The following NMNAT1 variants were observed in gnomAD, a reference collection of about 807,000 sequenced individuals.
The protein encoded by NMNAT1 is nicotinamide nucleotide adenylyltransferase 1, also known as nicotinamide/nicotinic acid mononucleotide adenylyltransferase 1.
In NMNAT1, 11 loss-of-function variants were observed where a neutral mutation model predicts 16.7. The observed-to-expected ratio is 0.66, with a 90% CI of 0.41 to 1.09. The LOEUF is 1.09. NMNAT1 is among the 50% of genes least tolerant of loss of function. The probability of loss-of-function intolerance (pLI) is 0.00; values close to 1 mark genes in which losing one functional copy is unlikely to be tolerated. For missense variants in NMNAT1, 280 were observed against 332.3 expected (o/e 0.84, Z 1.22); for synonymous variants, 110 against 119.8 (o/e 0.92, Z 0.53).
intron 3 of NMNAT1, among the ~76,000 whole-genome samples, chr1:9,980,587 A>G (rs963330147): frequency 1.3e-5 from 2 of 151,768 alleles, no homozygotes; most frequent in African/African-American, 4.8e-5. Context: ...CACACACTGC[A>G]CTCAGCCTGG....
At chr1:9,970,444 C>T (rs1411312340) in intron 1 of NMNAT1, among the ~76,000 whole-genome samples, 2 of 152,038 alleles carry the variant, frequency 1.3e-5, no homozygotes, top group African/African-American at 4.8e-5. Flanking sequence ...CCTGTAATCC[C>T]AGCACTTTGG....
intron 1 of NMNAT1, among the ~76,000 whole-genome samples, chr1:9,958,333 T>C (rs955826013): frequency 1.1e-4 from 17 of 152,138 alleles, no homozygotes; most frequent in Non-Finnish European, 1.5e-5. Flanking sequence ...CATTGCATTC[T>C]AATAAAATTC....
At chr1:9,949,199 G>A (rs934148335) in intron 1 of NMNAT1, among the ~76,000 whole-genome samples, 5 of 150,910 alleles carry the variant, frequency 3.3e-5, no homozygotes, top group Non-Finnish European at 7.4e-5. Context: ...CCCTGGAGGC[G>A]GAGATTTCAG....
At chr1:9,951,800 A>C (rs1641117801) in intron 1 of NMNAT1, among the ~76,000 whole-genome samples, 2 of 152,092 alleles carry the variant, frequency 1.3e-5, no homozygotes, top group African/African-American at 4.8e-5. Flanking sequence ...TAATATCTTA[A>C]CTACTTTTCG....
chr1:9,962,025 C>T (rs1473040302), intron 1 of NMNAT1, among the ~76,000 whole-genome samples: 1 of 151,872 alleles, frequency 6.6e-6, no homozygotes, highest in African/African-American at 2.4e-5. Context: ...GCCTCGCCCT[C>T]CCAAAATGCT....
chr1:9,952,037 G>T (rs188181081), intron 1 of NMNAT1, among the ~76,000 whole-genome samples: 1 of 152,132 alleles, frequency 6.6e-6, no homozygotes, highest in Non-Finnish European at 1.5e-5. Flanking sequence ...TATGGCTCAC[G>T]CCTGTAATCC....
downstream of NMNAT1, among the ~76,000 whole-genome samples, chr1:9,986,920 G>A (rs1642051949): frequency 6.6e-6 from 1 of 152,048 alleles, no homozygotes; most frequent in African/African-American, 2.4e-5. Flanking sequence ...GCTCAGCCTG[G>A]GCACAGTGGC....
Position 9,982,693 on chromosome 1 carries a change from A to G in NMNAT1, c.832A>G (p.Lys278Glu). 6.2e-7 allele frequency: 1 copy of G among 1,601,894 alleles called. No individual in the cohort carries two copies. The highest frequency in any genetic ancestry group is 8.5e-7 in the Non-Finnish European group (1 of 1,173,820). Reference sequence around the variant, plus strand: ...TTTGCAGAGAAACACTGCAGAAGCTAAGACATAGGAATTCTACAGCATGAT... The same window carrying G: ...TTTGCAGAGAAACACTGCAGAAGCTGAGACATAGGAATTCTACAGCATGAT... ...APLQRNTAEA[K>E]T The change falls in exon 5 of 5, where the codon AAG becomes GAG. Residue 278 changes from lysine (K) to glutamate (E), a missense_variant. Physicochemically the swap from Lys to Glu is moderately conservative, Grantham distance 56 (BLOSUM62 1). Transcript: ENST00000377205.
chr1:9,957,458 T>C lies in NMNAT1; in HGVS notation c.-57+13943T>C, dbSNP rs532220737. ...TCCTGAGCCTCCCGAGTAGCTGGAT[T>C]ACAGGCATGCGCCACCACGCGAGAG... is the stretch of plus-strand genomic sequence containing the variant. On this transcript the variant is annotated intron_variant, in intron 1 of 4. Transcript: ENST00000377205. 1.2e-4 allele frequency among the ~76,000 whole-genome samples: 18 copies of C among 151,720 alleles called. No individual in the cohort carries two copies. In the South Asian group the frequency reaches 2.9e-3, roughly 24 times the overall value.
the NMNAT1 span, among the ~76,000 whole-genome samples, chr1:9,994,404 TC>T: frequency 6.6e-6 from 1 of 150,836 alleles, no homozygotes; most frequent in African/African-American, 2.4e-5. Context: ...TGAGCCACTG[TC>T]CCCAGCCAAA....
At chr1:9,952,758 C>T (rs550275064) in intron 1 of NMNAT1, among the ~76,000 whole-genome samples, 8 of 152,064 alleles carry the variant, frequency 5.3e-5, no homozygotes, top group African/African-American at 1.2e-4. Context: ...AGGCTGGTCT[C>T]GAACTCCTGA....
intron 1 of NMNAT1, among the ~76,000 whole-genome samples, chr1:9,969,002 G>A (rs564733266): frequency 6.6e-6 from 1 of 151,942 alleles, no homozygotes; most frequent in Non-Finnish European, 1.5e-5. Context: ...GTTAGGGTTA[G>A]GTTGCCCAAG....
In NMNAT1 at chr1:9,984,710, C is replaced by A. The variant is rs1327979516; in HGVS notation, c.*2009C>A. The A allele has an allele frequency of 6.6e-6, 1 of 152,134 alleles. No individual in the cohort carries two copies. Among genetic ancestry groups the A allele is most frequent in the East Asian group, 1.9e-4 (1 of 5,194 alleles). 9.4% of individuals were successfully genotyped at this position (152,134 alleles called of 1,614,324 possible). On this transcript the variant is annotated 3_prime_UTR_variant, in exon 5 of 5. Transcript: ENST00000377205. ...GGGGTTTTATGTGTTGTACCCTTTA[C>A]CCCTTACATTGTGTAATTTGAAAGT...
At chr1:9,980,657 T>C in intron 3 of NMNAT1, among the ~76,000 whole-genome samples, 1 of 148,624 alleles carries the variant, frequency 6.7e-6, no homozygotes, top group Non-Finnish European at 1.5e-5. Flanking sequence ...AATGATATTC[T>C]TTTTTTTTTC....
At chr1:9,962,469 G>C (rs1247298150) in intron 1 of NMNAT1, among the ~76,000 whole-genome samples, 1 of 145,930 alleles carries the variant, frequency 6.9e-6, no homozygotes, top group Admixed American at 6.9e-5. Context: ...GCGACAGAGC[G>C]AGACTCCGTC....
At chr1:9,988,123 G>A (rs56023734), downstream of NMNAT1, among the ~76,000 whole-genome samples, 11 of 151,772 alleles carry the variant, frequency 7.2e-5, no homozygotes, top group Non-Finnish European at 1.3e-4. Flanking sequence ...TCAGCTTCCC[G>A]AGTAGCTGGG....
intron 1 of NMNAT1, among the ~76,000 whole-genome samples, chr1:9,945,019 A>AG (rs1640940308): frequency 2.6e-5 from 4 of 152,304 alleles, no homozygotes; most frequent in Middle Eastern, 6.8e-3. Context: ...AGATCACTTA[A>AG]GGTCAGGAAT....
At chr1:9,951,528 GC>G (rs1185244701) in intron 1 of NMNAT1, among the ~76,000 whole-genome samples, 2 of 152,104 alleles carry the variant, frequency 1.3e-5, no homozygotes, top group Admixed American at 6.6e-5. Context: ...AGGCCAAAGT[GC>G]AGTGGTGTGA....
At chr1:9,992,602 C>G in the NMNAT1 span, among the ~76,000 whole-genome samples, 3 of 152,024 alleles carry the variant, frequency 2.0e-5, no homozygotes, top group Admixed American at 6.6e-5. Flanking sequence ...TCCATGGAGA[C>G]CATGACTAGA....
Sources: allele counts gnomAD v4.1 joint callset (sites outside exome capture counted in the v4.1 genomes callset), GRCh38; gene constraint gnomAD v4.1.1; transcripts MANE v1.5; gene names NCBI Gene and HGNC (gene_info 2026-07-23, HGNC 2026-07-21).